The following DEPDC1B variants were observed in gnomAD, a reference collection of about 807,000 sequenced individuals.
DEPDC1B encodes DEP domain-containing protein 1B.
Under a neutral mutation model 66.5 loss-of-function variants are expected in DEPDC1B, and 51 were observed. The observed-to-expected ratio is 0.77, with a 90% CI of 0.61 to 0.97. DEPDC1B has a LOEUF of 0.97. Among genes scored for constraint, DEPDC1B ranks in the 50% least tolerant of loss-of-function variants. The probability of loss-of-function intolerance (pLI) is 0.00; values close to 1 mark genes in which losing one functional copy is unlikely to be tolerated. For missense variants in DEPDC1B, 552 were observed against 637.1 expected, an observed-to-expected ratio of 0.87 and a Z score of 1.44; for synonymous variants, 226 against 223.6, an observed-to-expected ratio of 1.01 and a Z score of -0.10.
At chr5:60,629,956 C>G (rs1219650771) in intron 7 of DEPDC1B, among the ~76,000 whole-genome samples, 1 of 152,148 alleles carries the variant, frequency 6.6e-6, no homozygotes, top group East Asian at 1.9e-4. Flanking sequence ...ACTTTATTGG[C>G]AGAATCATTT....
intron 7 of DEPDC1B, among the ~76,000 whole-genome samples, chr5:60,613,796 G>A (rs953647486): frequency 1.0e-5 from 1 of 95,738 alleles, no homozygotes; most frequent in African/African-American, 4.3e-5. Context: ...ATTTGTGTGT[G>A]TGTGTGTGTG....
intron 2 of DEPDC1B, among the ~76,000 whole-genome samples, chr5:60,667,659 G>GAAAAATGGATATTTTACA (rs1561383895): frequency 5.4e-4 from 20 of 37,172 alleles, no homozygotes; most frequent in East Asian, 5.3e-3. Context: ...TATTTTACAT[G>GAAAAATGGATATTTTACA]TATATAATGG....
At chr5:60,623,162 G>A (rs1291904889) in intron 7 of DEPDC1B, among the ~76,000 whole-genome samples, 2 of 152,056 alleles carry the variant, frequency 1.3e-5, no homozygotes, top group Non-Finnish European at 2.9e-5. Flanking sequence ...TAAAATTTGA[G>A]TGCATACAGT....
intron 2 of DEPDC1B, among the ~76,000 whole-genome samples, chr5:60,653,881 T>G (rs1215888923): frequency 8.9e-6 from 1 of 112,612 alleles, no homozygotes; most frequent in Non-Finnish European, 1.7e-5. Flanking sequence ...CCACTTTATG[T>G]TTTTCTTTGC....
intron 2 of DEPDC1B, among the ~76,000 whole-genome samples, chr5:60,659,275 C>T (rs537782488): frequency 1.2e-4 from 19 of 152,164 alleles, no homozygotes; most frequent in Non-Finnish European, 2.1e-4. Context: ...CCCCTCCACC[C>T]CCCGTAACAT....
At chr5:60,619,693 T>C (rs572813899) in intron 7 of DEPDC1B, among the ~76,000 whole-genome samples, 26 of 152,294 alleles carry the variant, frequency 1.7e-4, no homozygotes, top group Admixed American at 9.8e-4. Flanking sequence ...AGAATCAATA[T>C]TGTGAAAATG....
At chr5:60,686,487 T>C (rs145591651) in intron 2 of DEPDC1B, among the ~76,000 whole-genome samples, 1 of 152,320 alleles carries the variant, frequency 6.6e-6, no homozygotes, top group East Asian at 1.9e-4. Flanking sequence ...TGCAGAAAAG[T>C]GGACTCACAT....
At chr5:60,691,532 T>C (rs1427615924) in intron 1 of DEPDC1B, among the ~76,000 whole-genome samples, 1 of 152,172 alleles carries the variant, frequency 6.6e-6, no homozygotes. Flanking sequence ...ATTTAAAATC[T>C]TTTTTAACTT....
At chr5:60,655,698 G>GGT (rs1159139896) in intron 2 of DEPDC1B, among the ~76,000 whole-genome samples, 4 of 148,820 alleles carry the variant, frequency 2.7e-5, no homozygotes, top group Non-Finnish European at 5.9e-5. Flanking sequence ...AGTTCCTTGA[G>GGT]GTGTGACCTT....
intron 1 of DEPDC1B, among the ~76,000 whole-genome samples, chr5:60,695,289 G>A (rs1754629200): frequency 3.9e-5 from 6 of 152,166 alleles, no homozygotes; most frequent in Admixed American, 3.9e-4. Flanking sequence ...CTCAGTTTCT[G>A]GTGAGGCCTC....
chr5:60,667,783 A>G (rs186337562), intron 2 of DEPDC1B, among the ~76,000 whole-genome samples: 51 of 107,536 alleles, frequency 4.7e-4, no homozygotes, highest in African/African-American at 9.9e-4. Flanking sequence ...TTACATATAT[A>G]TAAAAAATGG....
chr5:60,654,399 G>A (rs1445323635), intron 2 of DEPDC1B, among the ~76,000 whole-genome samples: 1 of 147,026 alleles, frequency 6.8e-6, no homozygotes, highest in East Asian at 2.1e-4. Flanking sequence ...ATTGTAAAAG[G>A]AATTGAGTTA....
At chr5:60,620,085 A>AT (rs1276992988) in intron 7 of DEPDC1B, among the ~76,000 whole-genome samples, 2 of 152,246 alleles carry the variant, frequency 1.3e-5, no homozygotes, top group Non-Finnish European at 2.9e-5. Flanking sequence ...CTGGCTAGCC[A>AT]TATGTAGAAA....
intron 7 of DEPDC1B, among the ~76,000 whole-genome samples, chr5:60,618,781 CA>C (rs1351645527): frequency 6.6e-6 from 1 of 152,216 alleles, no homozygotes; most frequent in African/African-American, 2.4e-5. Flanking sequence ...CTCCCTAACT[CA>C]TTTGATGAGG....
intron 2 of DEPDC1B, among the ~76,000 whole-genome samples, chr5:60,662,742 T>G (rs758684097): frequency 2.0e-4 from 31 of 152,142 alleles, no homozygotes; most frequent in Non-Finnish European, 3.8e-4. Context: ...ACAAAAGTCC[T>G]CTGAGTCAGA....
intron 7 of DEPDC1B, among the ~76,000 whole-genome samples, chr5:60,618,627 G>A (rs999406163): frequency 3.9e-5 from 6 of 152,348 alleles, no homozygotes; most frequent in African/African-American, 1.4e-4. Flanking sequence ...AACAGGCTCT[G>A]AAATTGAGGC....
chr5:60,625,135 C>G (rs908461373), intron 7 of DEPDC1B, among the ~76,000 whole-genome samples: 2 of 152,130 alleles, frequency 1.3e-5, no homozygotes, highest in Admixed American at 1.3e-4. Flanking sequence ...TGTCTTCATC[C>G]AGTCTATCAC....
intron 2 of DEPDC1B, among the ~76,000 whole-genome samples, chr5:60,653,034 A>G (rs1369670493): frequency 6.7e-6 from 1 of 149,144 alleles, no homozygotes; most frequent in East Asian, 2.0e-4. Flanking sequence ...GGCTGGTTCC[A>G]TATTTTTGCA....
chr5:60,697,186 A>T (rs1423916826), intron 1 of DEPDC1B, among the ~76,000 whole-genome samples: 1 of 152,226 alleles, frequency 6.6e-6, no homozygotes, highest in Non-Finnish European at 1.5e-5. Flanking sequence ...CTAGCTTCAC[A>T]TTTATCATGA....
Sources: gnomAD v4.1 joint callset for allele counts (sites outside exome capture counted in the v4.1 genomes callset) on GRCh38, gnomAD v4.1.1 for gene constraint, MANE v1.5 for transcripts, NCBI Gene and HGNC (gene_info 2026-07-23, HGNC 2026-07-21) for gene names.